MAP3K2: variants seen among roughly 807,000 people sequenced by gnomAD.
The protein encoded by MAP3K2 is mitogen-activated protein kinase kinase kinase 2, also known as MAP/ERK kinase kinase 2.
In MAP3K2, 24 loss-of-function variants were observed where a neutral mutation model predicts 80.3. That is an observed-to-expected ratio of 0.30 (90% confidence interval 0.22 to 0.42). The LOEUF (loss-of-function observed/expected upper bound fraction) is 0.42. MAP3K2 is among the 10% of genes least tolerant of loss of function. The pLI, the probability that MAP3K2 is intolerant of heterozygous loss-of-function variation, is 1.00. For synonymous variants in MAP3K2, 244 were observed against 253.7 expected (o/e 0.96, Z 0.36); for missense variants, 608 against 750.1 (o/e 0.81, Z 2.21).
At chr2:127,333,217 A>C (rs1364391580) in intron 5 of MAP3K2, among the ~76,000 whole-genome samples, 3 of 151,266 alleles carry the variant, frequency 2.0e-5, no homozygotes, top group African/African-American at 7.3e-5. Context: ...ACACCTCCAC[A>C]TCCAACCCCC....
rs571718514 is a variant in MAP3K2, at chr2:127,363,810, C to T, written c.-65-20616G>A. The stretch of plus-strand genomic sequence containing the variant: ...TAGCTAAGACTACAGGCACACACCA[C>T]CATGCCTGGCTAATTTTTCAATTTT... On this transcript the variant is annotated intron_variant, in intron 1 of 16. Transcript: ENST00000682094. 1.6e-4 allele frequency among the ~76,000 whole-genome samples: 25 copies of T among 152,280 alleles called. No homozygotes were observed. The East Asian group carries it at 4.8e-3, about 29-fold the overall frequency.
chr2:127,350,135 G>A (rs529871324), intron 1 of MAP3K2, among the ~76,000 whole-genome samples: 1 of 152,218 alleles, frequency 6.6e-6, no homozygotes, highest in South Asian at 2.1e-4. Flanking sequence ...TTTAGAGGAG[G>A]TAATTGCAAA....
At chr2:127,378,294 C>T (rs1687183537) in intron 1 of MAP3K2, 2 of 233,484 alleles carry the variant, frequency 8.6e-6, no homozygotes, top group Non-Finnish European at 1.4e-5. Flanking sequence ...CTGTATAATA[C>T]TTTCTCAATT....
At chr2:127,375,019 G>A (rs536025514) in intron 1 of MAP3K2, among the ~76,000 whole-genome samples, 1 of 152,312 alleles carries the variant, frequency 6.6e-6, no homozygotes, top group African/African-American at 2.4e-5. Flanking sequence ...TCAATCAGCT[G>A]TAGAAAAGCA....
intron 7 of MAP3K2, 52 bp from the exon 8 acceptor site, chr2:127,326,869 T>C: frequency 7.7e-7 from 1 of 1,299,074 alleles, no homozygotes; most frequent in Non-Finnish European, 1.0e-6. Flanking sequence ...GGAATCAAGT[T>C]TTGTTTTAAA....
At chr2:127,312,832 C>T (rs1410062074) in intron 15 of MAP3K2, among the ~76,000 whole-genome samples, 2 of 152,024 alleles carry the variant, frequency 1.3e-5, no homozygotes, top group African/African-American at 4.8e-5. Flanking sequence ...TGTGATGGCA[C>T]ATGCTGGTAG....
intron 1 of MAP3K2, among the ~76,000 whole-genome samples, chr2:127,368,437 A>G (rs779558300): frequency 2.6e-5 from 4 of 152,140 alleles, no homozygotes; most frequent in Non-Finnish European, 5.9e-5. Context: ...CCTGGCCAAC[A>G]TGGTGAAACC....
Position 127,314,741 on chromosome 2 carries a change from C to A in MAP3K2, c.1456+13G>T, listed in dbSNP as rs1274412422. On this transcript the variant is annotated intron_variant, in intron 15 of 16. Transcript: ENST00000682094. ...AACTGTGTACTTAAAATAGAAAATA[C>A]CTCATTACTTACCTTTGATATCTCT... 1.9e-6 allele frequency: 3 copies of A among 1,589,062 alleles called. No individual in the cohort carries two copies. Among genetic ancestry groups the A allele is most frequent in the African/African-American group, 1.4e-5 (1 of 74,054 alleles).
intron 1 of MAP3K2, among the ~76,000 whole-genome samples, chr2:127,381,877 T>C (rs1687250956): frequency 6.8e-6 from 1 of 147,766 alleles, no homozygotes; most frequent in Non-Finnish European, 1.5e-5. Context: ...ACTTAACAAC[T>C]GGTATGGGGG....
At chr2:127,388,191 C>T, upstream of MAP3K2, 1 of 882,840 alleles carries the variant, frequency 1.1e-6, no homozygotes, top group Non-Finnish European at 1.4e-6. Context: ...CTCGGCCCCG[C>T]CCCCGCCCCT....
At chr2:127,316,456 C>T (rs1421735557) in intron 14 of MAP3K2, among the ~76,000 whole-genome samples, 1 of 152,114 alleles carries the variant, frequency 6.6e-6, no homozygotes, top group East Asian at 1.9e-4. Context: ...ATCATTAATA[C>T]TAGATGTACT....
At chr2:127,372,819 G>C (rs935136081) in intron 1 of MAP3K2, among the ~76,000 whole-genome samples, 1 of 152,148 alleles carries the variant, frequency 6.6e-6, no homozygotes, top group Admixed American at 6.5e-5. Flanking sequence ...CTAAAAGCCA[G>C]CCATACAGAA....
intron 14 of MAP3K2, 58 bp from the exon 15 acceptor site, chr2:127,314,941 C>T: frequency 7.9e-7 from 1 of 1,262,648 alleles, no homozygotes; most frequent in Non-Finnish European, 1.1e-6. Context: ...ATGAAAACTG[C>T]TATTAAATCT....
chr2:127,384,772 C>T (rs1687315426), intron 1 of MAP3K2, among the ~76,000 whole-genome samples: 1 of 152,064 alleles, frequency 6.6e-6, no homozygotes, highest in Non-Finnish European at 1.5e-5. Context: ...AAGCACTCTC[C>T]CTGCTTCAGC....
intron 1 of MAP3K2, among the ~76,000 whole-genome samples, chr2:127,369,936 C>G (rs1030540769): frequency 6.6e-6 from 1 of 152,170 alleles, no homozygotes; most frequent in Non-Finnish European, 1.5e-5. Flanking sequence ...TCTTGGAAGG[C>G]TGGAAGGTTT....
upstream of MAP3K2, chr2:127,388,045 G>A: frequency 1.0e-6 from 1 of 983,424 alleles, no homozygotes; most frequent in African/African-American, 1.8e-5. Flanking sequence ...CGGCGGTAGC[G>A]GAACCCGCCG....
chr2:127,325,368 C>T (rs1255823985), intron 9 of MAP3K2, among the ~76,000 whole-genome samples: 1 of 152,090 alleles, frequency 6.6e-6, no homozygotes, highest in Non-Finnish European at 1.5e-5. Flanking sequence ...AATATTTACT[C>T]ATATCTATTA....
In MAP3K2 at chr2:127,308,702, T is replaced by C; in HGVS notation, c.1517A>G (p.Lys506Arg). The C allele has an allele frequency of 2.5e-6, 4 of 1,613,984 alleles. No homozygotes were observed. Among genetic ancestry groups the C allele is most frequent in the African/African-American group, 2.7e-5 (2 of 75,042 alleles). The part of the protein sequence containing the change: ...NVKLGDFGAS[K>R]RLQTICLSGT... ...TGAGAGACAGATGGTCTGAAGCCGT[T>C]TGCTGGCCCCAAAATCTCCTAGTTT... is the stretch of plus-strand genomic sequence containing the variant. Residue 506 changes from lysine to arginine, a missense_variant, in exon 16 of 17, where the codon AAA becomes AGA. Physicochemically the swap from Lys to Arg is conservative, Grantham distance 26. Coordinates refer to ENST00000682094, the MANE Select transcript of MAP3K2 (RefSeq NM_001371910.2).
intron 1 of MAP3K2, among the ~76,000 whole-genome samples, chr2:127,375,957 A>C (rs1425229665): frequency 6.6e-6 from 1 of 152,188 alleles, no homozygotes; most frequent in African/African-American, 2.4e-5. Context: ...GTTATTTACT[A>C]ATGCTAGGAT....
Sources: gnomAD v4.1 joint callset for allele counts (sites outside exome capture counted in the v4.1 genomes callset) on GRCh38, gnomAD v4.1.1 for gene constraint, MANE v1.5 for transcripts, NCBI Gene and HGNC (gene_info 2026-07-23, HGNC 2026-07-21) for gene names.